Variants in RAB2A observed in about 807,000 individuals in gnomAD.
RAB2A encodes RAB2A, member RAS oncogene family, also known as ras-related protein Rab-2A.
A neutral mutation model predicts 32.5 loss-of-function variants in RAB2A; 7 were observed. That is an observed-to-expected ratio of 0.22 (90% CI 0.12 to 0.40). The LOEUF (loss-of-function observed/expected upper bound fraction) is 0.40, where lower values mean the gene tolerates loss of function less well. Ranked by LOEUF, RAB2A falls within the 10% of genes least tolerant of loss-of-function variation. RAB2A has a pLI of 1.00. For missense variants in RAB2A, 108 were observed against 260.7 expected (o/e 0.41, Z 4.03); for synonymous variants, 79 against 85.2 (o/e 0.93, Z 0.40).
chr8:60,534,363 G>GT (rs796654768), intron 1 of RAB2A, among the ~76,000 whole-genome samples: 49 of 152,258 alleles, frequency 3.2e-4, no homozygotes, highest in African/African-American at 1.2e-3. Context: ...GAAGGCTGAG[G>GT]TAGGAGGATT....
chr8:60,565,432 AAAG>A (rs1382015442), intron 2 of RAB2A, among the ~76,000 whole-genome samples: 1 of 151,584 alleles, frequency 6.6e-6, no homozygotes, highest in African/African-American at 2.4e-5. Context: ...AAAAAAAAAA[AAAG>A]AAAGAAGTAA....
At chr8:60,542,280 C>T (rs1430534395) in intron 1 of RAB2A, among the ~76,000 whole-genome samples, 1 of 152,110 alleles carries the variant, frequency 6.6e-6, no homozygotes. Flanking sequence ...CTTTGGGAGA[C>T]CAAGTCAGGC....
intron 3 of RAB2A, among the ~76,000 whole-genome samples, chr8:60,574,017 T>C (rs1808233257): frequency 6.6e-6 from 1 of 152,266 alleles, no homozygotes; most frequent in South Asian, 2.1e-4. Flanking sequence ...TAACCTTGTG[T>C]AACACACATC....
chr8:60,572,038 CTATT>C lies in RAB2A; in HGVS notation c.119-5_119-2del, dbSNP rs1586089899. 3 of 1,594,934 alleles carry C rather than the reference CTATT, an allele frequency of 1.9e-6. No individual in the cohort carries two copies. The highest frequency in any genetic ancestry group is 2.2e-5 in the East Asian group (1 of 44,518). ...ATTTTGTAACAAATCATTTCCTACT[CTATT>C]TAGGTGTAGAGTTCGGTGCTCGAAT... is the stretch of plus-strand genomic sequence containing the variant. On this transcript the variant is annotated splice_polypyrimidine_tract_variant and splice_region_variant and intron_variant, in intron 2 of 7. Coordinates refer to ENST00000262646, the MANE Select transcript of RAB2A (RefSeq NM_002865.3).
chr8:60,580,912 A>G (rs1278374547), intron 3 of RAB2A, among the ~76,000 whole-genome samples: 1 of 152,228 alleles, frequency 6.6e-6, no homozygotes, highest in African/African-American at 2.4e-5. Flanking sequence ...CCCTGGAGAG[A>G]TTGGTTTAAA....
chr8:60,609,785 G>A (rs1804304289), intron 6 of RAB2A, among the ~76,000 whole-genome samples: 1 of 151,842 alleles, frequency 6.6e-6, no homozygotes. Flanking sequence ...GGCCCGCATG[G>A]CAAAACCTCA....
chr8:60,592,160 T>C (rs866712222), intron 6 of RAB2A, 191 bp downstream of exon 6: 1 of 389,082 alleles, frequency 2.6e-6, no homozygotes, highest in African/African-American at 2.1e-5. Context: ...TTGAGCCTTC[T>C]AAAGCCTGAA....
intron 5 of RAB2A, among the ~76,000 whole-genome samples, chr8:60,589,442 C>T (rs1007452964): frequency 6.6e-6 from 1 of 152,044 alleles, no homozygotes; most frequent in Non-Finnish European, 1.5e-5. Context: ...TTGAATTAGA[C>T]GCATTAAGCA....
intron 1 of RAB2A, among the ~76,000 whole-genome samples, chr8:60,518,718 G>T (rs1807254296): frequency 6.6e-6 from 1 of 151,808 alleles, no homozygotes; most frequent in African/African-American, 2.4e-5. Context: ...TGTGTGTGTG[G>T]AAATTGGATT....
intron 6 of RAB2A, among the ~76,000 whole-genome samples, chr8:60,603,041 A>T (rs1263124831): frequency 6.6e-6 from 1 of 152,204 alleles, no homozygotes; most frequent in Non-Finnish European, 1.5e-5. Flanking sequence ...GACACATCCC[A>T]CTTGTCTAGT....
chr8:60,532,560 G>T (rs913423005), intron 1 of RAB2A, among the ~76,000 whole-genome samples: 24 of 152,004 alleles, frequency 1.6e-4, no homozygotes, highest in Non-Finnish European at 3.1e-4. Flanking sequence ...CCCCAGGGTG[G>T]AGTGCAGTGG....
intron 2 of RAB2A, chr8:60,559,203 A>G (rs1807983163): frequency 3.4e-6 from 1 of 298,374 alleles, no homozygotes; most frequent in Non-Finnish European, 6.4e-6. Context: ...GTATCCAAGC[A>G]TGGTAAGAGC....
chr8:60,565,753 C>T (rs1808102688), intron 2 of RAB2A, among the ~76,000 whole-genome samples: 1 of 112,638 alleles, frequency 8.9e-6, no homozygotes, highest in Non-Finnish European at 1.7e-5. Context: ...CTCTGTCACC[C>T]AGGTTGGAGT....
intron 6 of RAB2A, among the ~76,000 whole-genome samples, chr8:60,605,835 A>T (rs1246844753): frequency 7.1e-6 from 1 of 140,424 alleles, no homozygotes; most frequent in African/African-American, 2.9e-5. Flanking sequence ...ACTAATACAT[A>T]TATACATATA....
chr8:60,547,157 A>G (rs3929643), intron 1 of RAB2A, among the ~76,000 whole-genome samples: 58,367 of 151,016 alleles, frequency 0.39, 11,374 homozygotes, highest in East Asian at 0.55. Flanking sequence ...CACCGCCCTT[A>G]ATCCATTCAA....
At chr8:60,540,484 T>A (rs1288077958) in intron 1 of RAB2A, among the ~76,000 whole-genome samples, 1 of 143,344 alleles carries the variant, frequency 7.0e-6, no homozygotes, top group Non-Finnish European at 1.6e-5. Flanking sequence ...CCTCCCTCCC[T>A]CCCTTTCTTC....
intron 1 of RAB2A, among the ~76,000 whole-genome samples, chr8:60,517,893 T>A (rs1385285505): frequency 6.6e-6 from 1 of 152,124 alleles, no homozygotes; most frequent in Admixed American, 6.5e-5. Flanking sequence ...GAGAATCCCT[T>A]TCGGGGTTAG....
At chr8:60,609,295 G>A (rs1216150275) in intron 6 of RAB2A, among the ~76,000 whole-genome samples, 1 of 152,192 alleles carries the variant, frequency 6.6e-6, no homozygotes, top group Non-Finnish European at 1.5e-5. Context: ...TCTGGAATGT[G>A]TTCCATGACA....
At chr8:60,545,620 C>T (rs186107466) in intron 1 of RAB2A, among the ~76,000 whole-genome samples, 2 of 152,224 alleles carry the variant, frequency 1.3e-5, no homozygotes, top group Admixed American at 6.5e-5. Context: ...ATAATTGTTA[C>T]CTCATTGACT....
Sources: gnomAD v4.1 joint callset for allele counts (sites outside exome capture counted in the v4.1 genomes callset) on GRCh38, gnomAD v4.1.1 for gene constraint, MANE v1.5 for transcripts, NCBI Gene and HGNC (gene_info 2026-07-23, HGNC 2026-07-21) for gene names.